Variants in SLCO3A1 observed in about 807,000 individuals in gnomAD.
The protein encoded by SLCO3A1 is solute carrier organic anion transporter family member 3A1, also known as PGE1 transporter.
A neutral mutation model predicts 63.1 loss-of-function variants in SLCO3A1; 27 were observed. The ratio of observed to expected loss-of-function variants is 0.43; its 90% CI spans 0.32 to 0.59. SLCO3A1 has a LOEUF of 0.59. SLCO3A1 is among the 20% of genes least tolerant of loss of function. SLCO3A1 has a pLI of 0.09. For missense variants in SLCO3A1, 773 were observed against 945.8 expected, an observed-to-expected ratio of 0.82 and a Z score of 2.40; for synonymous variants, 473 against 409.9, an observed-to-expected ratio of 1.15 and a Z score of -1.86.
chr15:92,126,638 G>A (rs922203300), intron 6 of SLCO3A1, among the ~76,000 whole-genome samples: 3 of 152,202 alleles, frequency 2.0e-5, no homozygotes, highest in Non-Finnish European at 4.4e-5. Flanking sequence ...ATCAGAAGCT[G>A]TCATTAGGCT....
rs1026666723 is a variant in SLCO3A1 at position 91,931,315 on chromosome 15, C to T, written c.646+14857C>T. Among the ~76,000 whole-genome samples, 8 of 152,244 alleles carry T rather than the reference C, an allele frequency of 5.3e-5. No individual in the cohort carries two copies. In the South Asian group the frequency reaches 1.5e-3, roughly 28 times the overall value. On this transcript the variant is annotated intron_variant, in intron 2 of 9. Transcript: ENST00000318445. ...GCCTCAGAAAGGAAGGTGATGTCTC[C>T]GAACTGGCCATCTGGATATAGCTAG... is the stretch of plus-strand genomic sequence containing the variant.
intron 1 of SLCO3A1, among the ~76,000 whole-genome samples, chr15:91,868,856 T>C (rs370768277): frequency 5.3e-5 from 8 of 152,230 alleles, no homozygotes; most frequent in African/African-American, 1.4e-4. Context: ...ACCTACTCTT[T>C]CCTCTAAATC....
chr15:92,080,719 C>T (rs1157095958), intron 2 of SLCO3A1, among the ~76,000 whole-genome samples: 2 of 152,262 alleles, frequency 1.3e-5, no homozygotes, highest in Admixed American at 6.5e-5. Context: ...ACACTCGTGG[C>T]GGCATACAGT....
intron 2 of SLCO3A1, among the ~76,000 whole-genome samples, chr15:91,926,596 T>TGTGTGTGTGTGTGTGTGTGCGCGC: frequency 9.7e-4 from 102 of 105,304 alleles, no homozygotes; most frequent in African/African-American, 3.5e-3. Context: ...TGTGTGTGTG[T>TGTGTGTGTGTGTGTGTGTGCGCGC]GCGCGCGCGC....
intron 2 of SLCO3A1, among the ~76,000 whole-genome samples, chr15:91,964,687 G>C (rs1448592122): frequency 6.6e-6 from 1 of 152,110 alleles, no homozygotes; most frequent in Non-Finnish European, 1.5e-5. Flanking sequence ...GAGTTGAGCA[G>C]TGTGTTGGGA....
At chr15:92,010,801 A>AG in intron 2 of SLCO3A1, among the ~76,000 whole-genome samples, 1 of 152,266 alleles carries the variant, frequency 6.6e-6, no homozygotes, top group Non-Finnish European at 1.5e-5. Flanking sequence ...GGGCAGTCTC[A>AG]GGGGGCCCTG....
intron 2 of SLCO3A1, among the ~76,000 whole-genome samples, chr15:92,028,815 G>T (rs543907368): frequency 2.0e-5 from 3 of 152,086 alleles, no homozygotes; most frequent in Admixed American, 1.3e-4. Flanking sequence ...GCATTCCCAA[G>T]AATTTTTGTA....
intron 2 of SLCO3A1, among the ~76,000 whole-genome samples, chr15:91,953,810 C>T (rs756231327): frequency 8.5e-5 from 13 of 152,070 alleles, no homozygotes; most frequent in Non-Finnish European, 1.2e-4. Flanking sequence ...GGGTGATTGC[C>T]GTGCTCCTGT....
At chr15:92,080,354 G>A (rs1377179225) in intron 2 of SLCO3A1, among the ~76,000 whole-genome samples, 1 of 151,130 alleles carries the variant, frequency 6.6e-6, no homozygotes, top group African/African-American at 2.4e-5. Flanking sequence ...TGCTTTTCCC[G>A]AGCCTACAAT....
At position 91,854,315 on chromosome 15, in the gene SLCO3A1, C is replaced by G; in HGVS notation, c.180+227C>G. On this transcript the variant is annotated intron_variant, in intron 1 of 9. Coordinates refer to ENST00000318445, the MANE Select transcript of SLCO3A1 (RefSeq NM_013272.4). The surrounding 1 kb of genome is among the most constrained non-coding windows in gnomAD (Gnocchi z 6.4). ...CCGTTGATGCCGGTAGCAGCTCGCGCGCGTCCGGCTGGGGCAGGGGGTGCC... is the reference window on the plus strand; with the variant it reads ...CCGTTGATGCCGGTAGCAGCTCGCGGGCGTCCGGCTGGGGCAGGGGGTGCC... 1.0e-5 allele frequency: 11 copies of G among 1,102,938 alleles called. No individual in the cohort carries two copies. The highest frequency in any genetic ancestry group is 1.1e-5 in the Non-Finnish European group (10 of 905,588). The allele number at this position is 1,102,938 out of a possible 1,614,324, so 68.3% of individuals were successfully genotyped here. A position where few individuals can be genotyped will look rare whatever the true frequency, so the allele number is the denominator to read the frequency against.
Position 91,957,126 on chromosome 15 carries a change from A to C in SLCO3A1, c.646+40668A>C, listed in dbSNP as rs75851561. 3.6e-4 allele frequency among the ~76,000 whole-genome samples: 5 copies of C among 13,858 alleles called. 1 individual carries two copies. The highest frequency in any genetic ancestry group is 2.5e-3 in the African/African-American group (4 of 1,576). 9.1% of individuals were successfully genotyped at this position (13,858 alleles called of 152,430 possible). ...AATATATATATATATAATATATATAATATATATACTATATATTATAATATA... is the reference window on the plus strand; with the variant it reads ...AATATATATATATATAATATATATACTATATATACTATATATTATAATATA... On this transcript the variant is annotated intron_variant, in intron 2 of 9. Coordinates refer to ENST00000318445, the MANE Select transcript of SLCO3A1 (RefSeq NM_013272.4).
At chr15:91,933,051 G>A (rs1039739330) in intron 2 of SLCO3A1, among the ~76,000 whole-genome samples, 13 of 150,870 alleles carry the variant, frequency 8.6e-5, no homozygotes, top group African/African-American at 3.1e-4. Flanking sequence ...GAATTGGAAT[G>A]AGAAAAGGAG....
At position 91,875,338 on chromosome 15, in the gene SLCO3A1, T is replaced by TGGAACATGGTCTCCTCCCCCAGC. The variant is rs1897373452; in HGVS notation, c.180+21253_180+21254insACATGGTCTCCTCCCCCAGCGGA. Among the ~76,000 whole-genome samples the TGGAACATGGTCTCCTCCCCCAGC allele has an allele frequency of 6.6e-6, 1 of 152,168 alleles. No homozygotes were observed. The highest frequency in any genetic ancestry group is 1.5e-5 in the Non-Finnish European group (1 of 68,022). On this transcript the variant is annotated intron_variant, in intron 1 of 9. Transcript: ENST00000318445. The surrounding 1 kb of genome is among the most constrained non-coding windows in gnomAD (Gnocchi z 4.5). ...TTCCTCTGACCCTCCCCTCCCACTG[T>TGGAACATGGTCTCCTCCCCCAGC]GGATCATGGTCTCCTCCCCCAGCTC... is the stretch of plus-strand genomic sequence containing the variant.
At chr15:92,156,813 G>C (rs1567152763) in intron 9 of SLCO3A1, among the ~76,000 whole-genome samples, 1 of 152,184 alleles carries the variant, frequency 6.6e-6, no homozygotes, top group Non-Finnish European at 1.5e-5. Flanking sequence ...CTTTTTAAAT[G>C]TAAGTGGCCG....
intron 2 of SLCO3A1, among the ~76,000 whole-genome samples, chr15:91,962,938 G>T (rs28468549): frequency 0.018 from 2,610 of 142,336 alleles, 86 homozygotes; most frequent in African/African-American, 0.069. Context: ...GTATGTCTGT[G>T]TGTAAGTGTG....
chr15:92,052,385 T>C (rs2046968415), intron 2 of SLCO3A1, among the ~76,000 whole-genome samples: 2 of 152,154 alleles, frequency 1.3e-5, no homozygotes, highest in Non-Finnish European at 1.5e-5. Flanking sequence ...CATATGAATG[T>C]TCATTATTAT....
chr15:92,027,854 G>A (rs2046595362), intron 2 of SLCO3A1, among the ~76,000 whole-genome samples: 1 of 152,218 alleles, frequency 6.6e-6, no homozygotes, highest in Non-Finnish European at 1.5e-5. Context: ...AAGTGCACAA[G>A]TCTGCAGCTT....
In SLCO3A1 at chr15:91,969,310, AT is replaced by A. The variant is rs35619974; in HGVS notation, c.646+52865del. Among the ~76,000 whole-genome samples, 403 of 146,434 alleles carry A rather than the reference AT, an allele frequency of 2.8e-3. 2 individuals are homozygous for A. Among genetic ancestry groups the A allele is most frequent in the South Asian group, 0.014 (63 of 4,614 alleles). Reference sequence around the variant, plus strand: ...TCTTGTGTTTGTCTGTATATATATAATTTTTTTTTTTTTGAGATGAATTCTC... The same window carrying A: ...TCTTGTGTTTGTCTGTATATATATAATTTTTTTTTTTTGAGATGAATTCTC... On this transcript the variant is annotated intron_variant, in intron 2 of 9. Transcript: ENST00000318445.
chr15:91,934,511 C>T (rs1313525476), intron 2 of SLCO3A1, among the ~76,000 whole-genome samples: 1 of 152,192 alleles, frequency 6.6e-6, no homozygotes, highest in African/African-American at 2.4e-5. Context: ...CAAATGACTT[C>T]TTTTTAATAC....
Sources: gnomAD v4.1 joint callset for allele counts (sites outside exome capture counted in the v4.1 genomes callset) on GRCh38, gnomAD v4.1.1 for gene constraint, Gnocchi (gnomAD v3.1) non-coding constraint, MANE v1.5 for transcripts, NCBI Gene and HGNC (gene_info 2026-07-23, HGNC 2026-07-21) for gene names.